ADD3: variants seen among roughly 807,000 people sequenced by gnomAD.
ADD3 encodes the protein adducin 3, also known as gamma-adducin.
A neutral mutation model predicts 80.2 loss-of-function variants in ADD3; 25 were observed. That is an observed-to-expected ratio of 0.31 (90% CI 0.23 to 0.44). The LOEUF (loss-of-function observed/expected upper bound fraction) is 0.44, where lower values mean the gene tolerates loss of function less well. Ranked by LOEUF, ADD3 falls within the 20% of genes least tolerant of loss-of-function variation. The pLI is 1.00. For missense variants in ADD3, 829 were observed against 847.5 expected (o/e 0.98, Z 0.27); for synonymous variants, 284 against 289.6 (o/e 0.98, Z 0.20).
Position 110,123,938 on chromosome 10 carries a change from G to A in ADD3, c.1144-79G>A, listed in dbSNP as rs140799303. On this transcript the variant is annotated intron_variant, in intron 9 of 14. Transcript: ENST00000356080. The stretch of plus-strand genomic sequence containing the variant: ...AGCAAAGGAGTCTTTTAAATCATTT[G>A]TATACAAAAGGAATTAGGATCCAAA... The A allele has an allele frequency of 1.5e-4, 214 of 1,406,060 alleles. No homozygotes were observed. The African/African-American group carries it at 2.8e-3, about 18-fold the overall frequency. 87.1% of individuals were successfully genotyped at this position (1,406,060 alleles called of 1,614,324 possible).
At chr10:110,049,902 A>G (rs1857313390) in intron 1 of ADD3, among the ~76,000 whole-genome samples, 1 of 152,038 alleles carries the variant, frequency 6.6e-6, no homozygotes, top group African/African-American at 2.4e-5. Flanking sequence ...AAAAAAAAAA[A>G]AAAGATTTGA....
intron 1 of ADD3, among the ~76,000 whole-genome samples, chr10:110,066,790 C>A (rs1218688209): frequency 6.6e-6 from 1 of 152,102 alleles, no homozygotes; most frequent in Non-Finnish European, 1.5e-5. Flanking sequence ...GCTTATATTT[C>A]TTTGAGATAT....
chr10:110,127,337 G>T (rs770511773), intron 12 of ADD3, among the ~76,000 whole-genome samples: 9 of 152,144 alleles, frequency 5.9e-5, no homozygotes, highest in Non-Finnish European at 1.3e-4. Context: ...ATAAAGTCCC[G>T]GCTGGGTGCA....
chr10:110,122,883 C>T (rs1199255526), intron 9 of ADD3, among the ~76,000 whole-genome samples: 1 of 152,006 alleles, frequency 6.6e-6, no homozygotes, highest in African/African-American at 2.4e-5. Context: ...CCTCCCACCT[C>T]AGCCTCCCAA....
intron 1 of ADD3, among the ~76,000 whole-genome samples, chr10:110,047,517 G>T (rs1188715752): frequency 1.3e-5 from 2 of 152,198 alleles, no homozygotes; most frequent in East Asian, 3.8e-4. Context: ...CAGAACCTCT[G>T]TAGGTTGAGG....
intron 1 of ADD3, among the ~76,000 whole-genome samples, chr10:110,063,783 A>ATATATATATATATATAT (rs1491280257): frequency 1.3e-4 from 16 of 123,360 alleles, no homozygotes; most frequent in South Asian, 2.5e-4. Context: ...ATATATATAT[A>ATATATATATATATATAT]AAGTGAACAC....
intron 9 of ADD3, among the ~76,000 whole-genome samples, chr10:110,123,153 T>C (rs1158723532): frequency 6.6e-6 from 1 of 152,242 alleles, no homozygotes; most frequent in East Asian, 1.9e-4. Context: ...ATCTTGGCTA[T>C]TGTGAATAAT....
At chr10:110,007,015 C>T (rs183685929), upstream of ADD3, among the ~76,000 whole-genome samples, 2 of 151,786 alleles carry the variant, frequency 1.3e-5, no homozygotes, top group African/African-American at 2.4e-5. Flanking sequence ...AAGTGTGCAC[C>T]GCTGGGAGGT....
intron 1 of ADD3, among the ~76,000 whole-genome samples, chr10:110,036,764 A>G (rs1382713933): frequency 6.6e-6 from 1 of 152,112 alleles, no homozygotes; most frequent in Non-Finnish European, 1.5e-5. Flanking sequence ...CTAAATATAT[A>G]TTGGCTGTTT....
rs1354171041 is a variant in ADD3, at chr10:110,107,921, A to G, written c.196-4856A>G. On this transcript the variant is annotated intron_variant, in intron 2 of 14. Coordinates refer to ENST00000356080, the MANE Select transcript of ADD3 (RefSeq NM_016824.5). ...TTAAGGTCTTGAATCTGTTACCCTG[A>G]TGGCATTCTGGTTTATTCATCTTCA... Among the ~76,000 whole-genome samples the G allele has an allele frequency of 2.0e-5, 3 of 152,240 alleles. No individual in the cohort carries two copies. In the East Asian group the frequency reaches 5.8e-4, roughly 29 times the overall value.
At chr10:110,120,153 C>T (rs1851278061) in intron 8 of ADD3, among the ~76,000 whole-genome samples, 1 of 150,204 alleles carries the variant, frequency 6.7e-6, no homozygotes, top group Non-Finnish European at 1.5e-5. Flanking sequence ...ATACATGTGC[C>T]ATGCTGGTGC....
upstream of ADD3, among the ~76,000 whole-genome samples, chr10:110,004,573 T>C (rs1055267332): frequency 2.0e-5 from 3 of 151,660 alleles, no homozygotes; most frequent in Non-Finnish European, 4.4e-5. Context: ...CCTCCCAAAG[T>C]GCTGGGATTA....
At chr10:110,115,756 G>A (rs892588857) in intron 3 of ADD3, among the ~76,000 whole-genome samples, 1 of 152,206 alleles carries the variant, frequency 6.6e-6, no homozygotes, top group African/African-American at 2.4e-5. Context: ...CTTGGTAACA[G>A]CTGAACTTGG....
At chr10:110,065,347 T>G (rs946222756) in intron 1 of ADD3, among the ~76,000 whole-genome samples, 1 of 151,924 alleles carries the variant, frequency 6.6e-6, no homozygotes, top group Non-Finnish European at 1.5e-5. Flanking sequence ...CAGTCCTTTG[T>G]AGGCAGTCTG....
intron 1 of ADD3, among the ~76,000 whole-genome samples, chr10:110,023,674 C>T (rs1220992320): frequency 6.6e-6 from 1 of 152,108 alleles, no homozygotes; most frequent in South Asian, 2.1e-4. Flanking sequence ...ATTTTTCTTC[C>T]CAAACATAAA....
At chr10:110,014,949 A>G (rs377364952) in intron 1 of ADD3, among the ~76,000 whole-genome samples, 53 of 151,052 alleles carry the variant, frequency 3.5e-4, no homozygotes, top group Middle Eastern at 7.0e-3. Flanking sequence ...TCTCGGCTCA[A>G]TGCAACCTCC....
At chr10:110,062,200 T>TAA (rs57540485) in intron 1 of ADD3, among the ~76,000 whole-genome samples, 1 of 35,198 alleles carries the variant, frequency 2.8e-5, no homozygotes, top group African/African-American at 1.0e-4. Flanking sequence ...CTGTCTCTAC[T>TAA]AAAAAAAAAA....
intron 1 of ADD3, among the ~76,000 whole-genome samples, chr10:110,094,912 C>G (rs189067551): frequency 6.6e-6 from 1 of 152,254 alleles, no homozygotes; most frequent in African/African-American, 2.4e-5. Flanking sequence ...AAAAATAGGT[C>G]TGGTAGTTGA....
At chr10:110,088,741 G>GA (rs1427584028) in intron 1 of ADD3, among the ~76,000 whole-genome samples, 3 of 152,072 alleles carry the variant, frequency 2.0e-5, no homozygotes, top group African/African-American at 7.2e-5. Flanking sequence ...TATACCCTGT[G>GA]GTTCTTTAAT....
Sources: gnomAD v4.1 joint callset for allele counts (sites outside exome capture counted in the v4.1 genomes callset) on GRCh38, gnomAD v4.1.1 for gene constraint, MANE v1.5 for transcripts, NCBI Gene and HGNC (gene_info 2026-07-23, HGNC 2026-07-21) for gene names.